The following NR5A1 variants were observed in gnomAD, a reference collection of about 807,000 sequenced individuals.
NR5A1 encodes steroidogenic factor 1.
Under a neutral mutation model 42.7 loss-of-function variants are expected in NR5A1, and 6 were observed. The ratio of observed to expected loss-of-function variants is 0.14; its 90% CI spans 0.08 to 0.28. NR5A1 has a LOEUF of 0.28. NR5A1 is among the 10% of genes least tolerant of loss of function. NR5A1 has a pLI of 1.00. For synonymous variants in NR5A1, 274 were observed against 277.5 expected, an observed-to-expected ratio of 0.99 and a Z score of 0.12; for missense variants, 442 against 626.4, an observed-to-expected ratio of 0.71 and a Z score of 3.14.
intron 6 of NR5A1, among the ~76,000 whole-genome samples, chr9:124,488,225 C>A (rs1305626811): frequency 1.3e-5 from 2 of 152,094 alleles, no homozygotes; most frequent in African/African-American, 4.8e-5. Context: ...TCCCGGATAG[C>A]CAAGTGGTGC....
chr9:124,495,127 G>C (rs1832371246), intron 4 of NR5A1, among the ~76,000 whole-genome samples: 1 of 152,168 alleles, frequency 6.6e-6, no homozygotes, highest in South Asian at 2.1e-4. Flanking sequence ...TCACCTCTGG[G>C]TCCAGAGCTC....
chr9:124,500,532 C>T lies in NR5A1; in HGVS notation c.428G>A (p.Ser143Asn). The T allele has an allele frequency of 6.2e-7, 1 of 1,608,544 alleles. No homozygotes were observed. The change falls in exon 4 of 7, where the codon AGC becomes AAC. Residue 143 changes from serine to asparagine, a missense_variant. Physicochemically the swap from Ser to Asn is conservative, Grantham distance 46 (BLOSUM62 1). This residue lies in a region of NR5A1 where 208 missense variants were observed against 203.8 expected (regional missense o/e 1.02). Coordinates refer to ENST00000373588, the MANE Select transcript of NR5A1 (RefSeq NM_004959.5). The surrounding 1 kb of genome is among the most constrained non-coding windows in gnomAD (Gnocchi z 6.9). ...PPAPDYVLPPSLHGPEPKGLA... is the reference protein window; with the variant it reads ...PPAPDYVLPPNLHGPEPKGLA... ...GCCCTTGGGCTCAGGCCCATGCAGG[C>T]TGGGAGGCAGCACGTAGTCCGGTGC...
chr9:124,503,053 G>A lies in NR5A1; in HGVS notation c.244+26C>T. On this transcript the variant is annotated intron_variant, in intron 3 of 6. Transcript: ENST00000373588. The surrounding 1 kb of genome is among the most constrained non-coding windows in gnomAD (Gnocchi z 9.6). Reference sequence around the variant, plus strand: ...TACCCCCTCAGGCTGTGGGGGGTCAGGGGTCGAGGCCCGCGCGGCGCGCAC... The same window carrying A: ...TACCCCCTCAGGCTGTGGGGGGTCAAGGGTCGAGGCCCGCGCGGCGCGCAC... 3.2e-6 allele frequency: 5 copies of A among 1,549,630 alleles called. No individual in the cohort carries two copies. In the South Asian group the frequency reaches 5.9e-5, roughly 18 times the overall value.
Position 124,493,132 on chromosome 9 carries a change from C to T in NR5A1, c.888G>A (p.Thr296=), listed in dbSNP as rs369130159. 7.5e-5 allele frequency: 121 copies of T among 1,611,448 alleles called. No individual in the cohort carries two copies. Among genetic ancestry groups the T allele is most frequent in the Non-Finnish European group, 9.5e-5 (112 of 1,179,078 alleles). Residue 296 remains threonine (T), a synonymous_variant, in exon 5 of 7, where the codon ACG becomes ACA. Transcript: ENST00000373588. ...FKELEVADQM[T]LLQNCWSELL... The stretch of plus-strand genomic sequence containing the variant: ...GCTCGCTCCAGCAGTTCTGCAGCAG[C>T]GTCATCTGGTCGGCCACCTGGAAGG...
chr9:124,500,515 G>A lies in NR5A1; in HGVS notation c.445C>T (p.Pro149Ser), dbSNP rs762513374. The change falls in exon 4 of 7, where the codon CCC (proline) becomes TCC (serine). Residue 149 changes from proline (P) to serine (S), a missense_variant. Pro to Ser is a moderately conservative substitution (Grantham distance 74). Coordinates refer to ENST00000373588, the MANE Select transcript of NR5A1 (RefSeq NM_004959.5). This position sits in a 1 kb window ranked among gnomAD's most constrained non-coding sequence, Gnocchi z 6.9. ...VLPPSLHGPE[P>S]KGLAAGPPAG... ...GGTGGACCGGCGGCCAGGCCCTTGG[G>A]CTCAGGCCCATGCAGGCTGGGAGGC... 8 of 1,607,024 alleles carry A rather than the reference G, an allele frequency of 5.0e-6. No homozygotes were observed. In the Admixed American group the frequency reaches 8.4e-5, roughly 17 times the overall value.
rs112456524 is a variant in NR5A1 at position 124,503,491 on chromosome 9, C to T, written c.-15-81G>A. On this transcript the variant is annotated intron_variant, in intron 1 of 6. Coordinates refer to ENST00000373588, the MANE Select transcript of NR5A1 (RefSeq NM_004959.5). The surrounding 1 kb of genome is among the most constrained non-coding windows in gnomAD (Gnocchi z 9.6). ...CCGCGGCCGCCGCCCCAGCCGCTGT[C>T]GCCGGCCCGTCGCGTAATCCCCTCT... 1,238 of 1,192,582 alleles carry T rather than the reference C, an allele frequency of 1.0e-3. 8 individuals carry two copies. The African/African-American group carries it at 0.016, about 15-fold the overall frequency. The allele number at this position is 1,192,582 out of a possible 1,614,324, so 73.9% of individuals were successfully genotyped here.
chr9:124,492,675 C>T lies in NR5A1; in HGVS notation c.990+355G>A, dbSNP rs539699062. On this transcript the variant is annotated intron_variant, in intron 5 of 6. Transcript: ENST00000373588. ...CCACCCTCTCTGAGCCTGCGGTAGA[C>T]GTGGGGACTGCCCCCCTCATCCCTC... Among the ~76,000 whole-genome samples the T allele has an allele frequency of 3.0e-4, 46 of 152,254 alleles. 1 individual carries two copies. In the South Asian group the frequency reaches 8.5e-3, roughly 28 times the overall value.
At chr9:124,499,951 C>T in intron 4 of NR5A1, 139 bp downstream of exon 4, 1 of 1,196,918 alleles carries the variant, frequency 8.4e-7, no homozygotes, top group South Asian at 1.3e-5. Context: ...CCTTAATGTC[C>T]CCAGGGTGGC....
chr9:124,482,708 G>GTC lies in NR5A1; in HGVS notation c.*49_*50insGA. ...GCGGTGTGGCTGCGGCCCCGCCCAG[G>GTC]CCCCGCCCCCAGTCCCGCCCCCAGT... On this transcript the variant is annotated 3_prime_UTR_variant, in exon 7 of 7. Coordinates refer to ENST00000373588, the MANE Select transcript of NR5A1 (RefSeq NM_004959.5). 1 of 558,006 alleles carries GTC rather than the reference G, an allele frequency of 1.8e-6. No individual in the cohort carries two copies. The highest frequency in any genetic ancestry group is 1.7e-5 in the South Asian group (1 of 58,724). 34.6% of individuals were successfully genotyped at this position (558,006 alleles called of 1,614,324 possible). A position where few individuals can be genotyped will look rare whatever the true frequency, so the allele number is the denominator to read the frequency against.
Position 124,500,728 on chromosome 9 carries a change from GCAGAGGGT to G in NR5A1, c.245-21_245-14del. On this transcript the variant is annotated splice_polypyrimidine_tract_variant and intron_variant, in intron 3 of 6. Coordinates refer to ENST00000373588, the MANE Select transcript of NR5A1 (RefSeq NM_004959.5). This position sits in a 1 kb window ranked among gnomAD's most constrained non-coding sequence, Gnocchi z 6.9. ...TCAGCGCGCACGGCTGTGGGCAGGG[GCAGAGGGT>G]CAGACTCACCCTCTCTAAGCCCCCT... 1.2e-6 allele frequency: 2 copies of G among 1,612,470 alleles called. No homozygotes were observed. The highest frequency in any genetic ancestry group is 1.7e-6 in the Non-Finnish European group (2 of 1,180,026).
chr9:124,493,283 C>T, intron 4 of NR5A1, 134 bp from the exon 5 acceptor site: 1 of 1,207,752 alleles, frequency 8.3e-7, no homozygotes, highest in Non-Finnish European at 1.1e-6. Context: ...CCCATCTACC[C>T]AGATGTCTAG....
intron 4 of NR5A1, among the ~76,000 whole-genome samples, chr9:124,494,579 C>T (rs1444328518): frequency 6.6e-6 from 1 of 152,226 alleles, no homozygotes; most frequent in East Asian, 1.9e-4. Context: ...TTCAGCTCTT[C>T]TCTGGGCCCC....
intron 6 of NR5A1, among the ~76,000 whole-genome samples, chr9:124,487,644 G>C (rs555326493): frequency 3.9e-5 from 6 of 152,356 alleles, no homozygotes; most frequent in South Asian, 4.1e-4. Context: ...TGGGGCAGGT[G>C]GGGGAGCACA....
At chr9:124,484,612 G>A (rs1404410732) in intron 6 of NR5A1, among the ~76,000 whole-genome samples, 1 of 152,036 alleles carries the variant, frequency 6.6e-6, no homozygotes, top group East Asian at 1.9e-4. Flanking sequence ...AAATTACCGA[G>A]GCATGGTGGC....
At chr9:124,484,751 C>G (rs1183729354) in intron 6 of NR5A1, among the ~76,000 whole-genome samples, 1 of 131,260 alleles carries the variant, frequency 7.6e-6, no homozygotes, top group Non-Finnish European at 1.7e-5. Flanking sequence ...AAGACTCTGT[C>G]TCTAAATAAA....
At position 124,498,610 on chromosome 9, in the gene NR5A1, C is replaced by A. The variant is rs1432373003; in HGVS notation, c.870+1480G>T. ...AGTCTGGAGGGAAGCTAGCAACCAA[C>A]CCAAGATGCTTGGGGTCCTCATCCC... On this transcript the variant is annotated intron_variant, in intron 4 of 6. Coordinates refer to ENST00000373588, the MANE Select transcript of NR5A1 (RefSeq NM_004959.5). The surrounding 1 kb of genome is among the most constrained non-coding windows in gnomAD (Gnocchi z 4.6). Among the ~76,000 whole-genome samples, 2 of 152,246 alleles carry A rather than the reference C, an allele frequency of 1.3e-5. No individual in the cohort carries two copies. Among genetic ancestry groups the A allele is most frequent in the Non-Finnish European group, 2.9e-5 (2 of 68,036 alleles).
At chr9:124,495,705 A>G (rs1832382033) in intron 4 of NR5A1, among the ~76,000 whole-genome samples, 1 of 152,188 alleles carries the variant, frequency 6.6e-6, no homozygotes, top group South Asian at 2.1e-4. Context: ...CGGAGGAGCG[A>G]TAAGGGGTAG....
intron 6 of NR5A1, among the ~76,000 whole-genome samples, chr9:124,488,916 C>T (rs1832262291): frequency 6.6e-6 from 1 of 152,254 alleles, no homozygotes; most frequent in African/African-American, 2.4e-5. Flanking sequence ...TGTTCCAGCC[C>T]AGCACTGGAG....
chr9:124,500,779 C>T lies in NR5A1; in HGVS notation c.245-64G>A. Reference sequence around the variant, plus strand: ...AGCCCCCTTCCATGCTGCCCCACCACAGATCCTTTCCAAACAAATCTGACC... The same window carrying T: ...AGCCCCCTTCCATGCTGCCCCACCATAGATCCTTTCCAAACAAATCTGACC... On this transcript the variant is annotated intron_variant, in intron 3 of 6. Coordinates refer to ENST00000373588, the MANE Select transcript of NR5A1 (RefSeq NM_004959.5). The surrounding 1 kb of genome is among the most constrained non-coding windows in gnomAD (Gnocchi z 6.9). 1.9e-6 allele frequency: 3 copies of T among 1,610,430 alleles called. No individual in the cohort carries two copies. The East Asian group carries it at 6.7e-5, about 36-fold the overall frequency.
Sources: gnomAD v4.1 joint callset for allele counts (sites outside exome capture counted in the v4.1 genomes callset) on GRCh38, gnomAD v4.1.1 for gene constraint, gnomAD v4.1.1 regional missense constraint, Gnocchi (gnomAD v3.1) non-coding constraint, MANE v1.5 for transcripts, NCBI Gene and HGNC (gene_info 2026-07-23, HGNC 2026-07-21) for gene names.